Variants in SLC28A1 observed in about 807,000 individuals in gnomAD.
SLC28A1 encodes the protein sodium/nucleoside cotransporter 1.
In SLC28A1, 64 loss-of-function variants were observed where a neutral mutation model predicts 74.8. The ratio of observed to expected loss-of-function variants is 0.86; its 90% CI spans 0.70 to 1.05. SLC28A1 has a LOEUF of 1.05. SLC28A1 is among the 50% of genes least tolerant of loss of function. The probability of loss-of-function intolerance (pLI) is 0.00; values close to 1 mark genes in which losing one functional copy is unlikely to be tolerated. For synonymous variants in SLC28A1, 359 were observed against 335.0 expected (o/e 1.07, Z -0.78); for missense variants, 828 against 822.8 (o/e 1.01, Z -0.08).
the SLC28A1 span, among the ~76,000 whole-genome samples, chr15:84,953,930 G>C: frequency 6.6e-6 from 1 of 152,220 alleles, no homozygotes; most frequent in East Asian, 1.9e-4. Flanking sequence ...CAGGCAGCTG[G>C]GCCTGGGGAC....
At chr15:84,920,556 A>G (rs1969692696) in intron 10 of SLC28A1, among the ~76,000 whole-genome samples, 1 of 152,188 alleles carries the variant, frequency 6.6e-6, no homozygotes, top group South Asian at 2.1e-4. Context: ...CATGTTAGTA[A>G]ATGTTACCAG....
chr15:84,895,215 G>A, intron 6 of SLC28A1, 92 bp downstream of exon 6: 1 of 1,582,506 alleles, frequency 6.3e-7, no homozygotes, highest in Non-Finnish European at 8.6e-7. Flanking sequence ...GGAGGAGGAG[G>A]AAGGCTCTGT....
rs966787917 is a variant in SLC28A1 at position 84,925,775 on chromosome 15, CT to C, written c.1083+1675del. ...CTGAGTACTCACATACTTTCTCTCT[CT>C]TTTTTTTTTAATAAAAGTTGAGAAT... On this transcript the variant is annotated intron_variant, in intron 12 of 18. Coordinates refer to ENST00000394573, the MANE Select transcript of SLC28A1 (RefSeq NM_004213.5). Among the ~76,000 whole-genome samples the C allele has an allele frequency of 2.5e-3, 368 of 148,442 alleles. 3 individuals carry two copies. The highest frequency in any genetic ancestry group is 8.0e-3 in the African/African-American group (327 of 40,644).
intron 12 of SLC28A1, among the ~76,000 whole-genome samples, chr15:84,932,804 C>T (rs1296827251): frequency 6.6e-6 from 1 of 152,114 alleles, no homozygotes; most frequent in African/African-American, 2.4e-5. Context: ...AACTTGGAGC[C>T]AAAAGATGTG....
intron 1 of SLC28A1, chr15:84,886,151 T>C (rs1567107327): frequency 3.0e-6 from 3 of 985,266 alleles, no homozygotes; most frequent in Non-Finnish European, 3.6e-6. Flanking sequence ...TTAACAAAGA[T>C]GAAATGAAGG....
In SLC28A1 at chr15:84,945,122, T is replaced by A. The variant is rs773577437; in HGVS notation, c.1875-3T>A. 11 of 1,614,048 alleles carry A rather than the reference T, an allele frequency of 6.8e-6. No homozygotes were observed. The highest frequency in any genetic ancestry group is 9.3e-6 in the Non-Finnish European group (11 of 1,179,950). On this transcript the variant is annotated splice_region_variant and splice_polypyrimidine_tract_variant and intron_variant, in intron 18 of 18. Transcript: ENST00000394573. ...CCCACTGCGATCTTTGCTTTCTTTT[T>A]AGCGTCAATCCAGAGTTCAGCCCAG...
intron 6 of SLC28A1, among the ~76,000 whole-genome samples, chr15:84,900,168 T>C (rs1966506655): frequency 6.6e-6 from 1 of 150,630 alleles, no homozygotes; most frequent in African/African-American, 2.4e-5. Flanking sequence ...AATATATATA[T>C]AAAAAAATTA....
chr15:84,906,573 TCTTCCTTCCTTC>T (rs71135327), intron 8 of SLC28A1, among the ~76,000 whole-genome samples: 23,834 of 98,022 alleles, frequency 0.24, 2,584 homozygotes, highest in Non-Finnish European at 0.27. Context: ...TCTCTTTCTT[TCTTCCTTCCTTC>T]CTTCCTTCCT....
the SLC28A1 span, among the ~76,000 whole-genome samples, chr15:84,962,476 C>T: frequency 6.6e-5 from 10 of 152,196 alleles, no homozygotes; most frequent in South Asian, 6.2e-4. Context: ...CTTGCTCCGT[C>T]GCCCAGGCTG....
chr15:84,921,218 C>A (rs1567162307), intron 11 of SLC28A1, 149 bp downstream of exon 11: 2 of 717,112 alleles, frequency 2.8e-6, no homozygotes, highest in Non-Finnish European at 2.5e-6. Flanking sequence ...TCCAGGGATA[C>A]TCTGTTTGGG....
At chr15:84,927,122 C>T (rs1488706077) in intron 12 of SLC28A1, among the ~76,000 whole-genome samples, 1 of 142,462 alleles carries the variant, frequency 7.0e-6, no homozygotes, top group Non-Finnish European at 1.5e-5. Flanking sequence ...ATCTGGTTTG[C>T]ACCTGTCTTG....
In SLC28A1 at chr15:84,904,193, C is replaced by T. The variant is rs536548509; in HGVS notation, c.558C>T (p.Cys186=). 290 of 1,614,176 alleles carry T rather than the reference C, an allele frequency of 1.8e-4. 1 individual carries two copies. In the South Asian group the frequency reaches 2.6e-3, roughly 15 times the overall value. Residue 186 remains cysteine (C), a synonymous_variant, in exon 7 of 19, where the codon TGC becomes TGT. Coordinates refer to ENST00000394573, the MANE Select transcript of SLC28A1 (RefSeq NM_004213.5). ...PEQLVSFAGI[C]VFVALLFACS... ...AACTGGTGTCCTTCGCAGGAATCTGCGTGTTCGTCGCTCTCCTCTTTGCCT... is the reference window on the plus strand; with the variant it reads ...AACTGGTGTCCTTCGCAGGAATCTGTGTGTTCGTCGCTCTCCTCTTTGCCT...
chr15:84,945,894 C>T (rs1455913589), downstream of SLC28A1: 1 of 153,152 alleles, frequency 6.5e-6, no homozygotes, highest in Non-Finnish European at 1.4e-5. Flanking sequence ...CCTTTTCACT[C>T]TGTCACCCAG....
chr15:84,895,017 G>T lies in SLC28A1; in HGVS notation c.355G>T (p.Val119Phe). Residue 119 changes from valine to phenylalanine, a missense_variant, in exon 6 of 19, where the codon GTC (valine) becomes TTC (phenylalanine). Around this residue, in one of 3 missense-constraint regions of SLC28A1, gnomAD observed 767 missense variants for 753.5 expected, o/e 1.02. Transcript: ENST00000394573. ...ALALFVLTCVVLTFLGHRLLK... is the reference protein window; with the variant it reads ...ALALFVLTCVFLTFLGHRLLK... ...GGCTCTGTTTGTCCTCACCTGTGTG[G>T]TCCTCACCTTCCTGGGCCACCGCCT... The T allele has an allele frequency of 1.2e-6, 2 of 1,614,216 alleles. No homozygotes were observed. Among genetic ancestry groups the T allele is most frequent in the South Asian group, 2.2e-5 (2 of 91,088 alleles).
chr15:84,919,261 G>C (rs145651495), intron 10 of SLC28A1, among the ~76,000 whole-genome samples: 304 of 152,334 alleles, frequency 2.0e-3, no homozygotes, highest in African/African-American at 7.1e-3. Context: ...CACAAAACTA[G>C]GATGTAGGAG....
chr15:84,951,595 A>ATAAGATAGGT, the SLC28A1 span, among the ~76,000 whole-genome samples: 1 of 152,080 alleles, frequency 6.6e-6, no homozygotes. Flanking sequence ...GACAGGAAGA[A>ATAAGATAGGT]TAAGATAGGT....
At chr15:84,934,867 G>A (rs919690567) in intron 13 of SLC28A1, among the ~76,000 whole-genome samples, 159 bp from the exon 14 acceptor site, 1 of 152,054 alleles carries the variant, frequency 6.6e-6, no homozygotes, top group Admixed American at 6.6e-5. Context: ...TCTTATCCCG[G>A]TGCTTTGACC....
rs1966982765 is a variant in SLC28A1, at chr15:84,905,666, G to A, written c.717+14G>A. ...GAGCAGATCCGGGTAGGTATGTGGG[G>A]TCTGGCTGCCCAGAGCATCTTAGAT... is the stretch of plus-strand genomic sequence containing the variant. On this transcript the variant is annotated intron_variant, in intron 8 of 18. Transcript: ENST00000394573. The A allele has an allele frequency of 1.3e-6, 2 of 1,572,838 alleles. No homozygotes were observed. Among genetic ancestry groups the A allele is most frequent in the Non-Finnish European group, 1.8e-6 (2 of 1,142,684 alleles).
intron 3 of SLC28A1, 59 bp downstream of exon 3, chr15:84,887,915 C>A: frequency 1.6e-6 from 2 of 1,253,638 alleles, no homozygotes; most frequent in Non-Finnish European, 2.4e-6. Flanking sequence ...TTGAGCCCGG[C>A]TGCCGAGGTG....
Sources: gnomAD v4.1 joint callset for allele counts (sites outside exome capture counted in the v4.1 genomes callset) on GRCh38, gnomAD v4.1.1 for gene constraint, gnomAD v4.1.1 regional missense constraint, MANE v1.5 for transcripts, NCBI Gene and HGNC (gene_info 2026-07-23, HGNC 2026-07-21) for gene names.